DNM1: variants seen among roughly 807,000 people sequenced by gnomAD.
DNM1 encodes dynamin 1.
Under a neutral mutation model 104.6 loss-of-function variants are expected in DNM1, and 29 were observed. The ratio of observed to expected loss-of-function variants is 0.28; its 90% confidence interval spans 0.21 to 0.38. DNM1 has a LOEUF of 0.38. Ranked by LOEUF, DNM1 falls within the 10% of genes least tolerant of loss-of-function variation. The pLI is 1.00. For missense variants in DNM1, 640 were observed against 1,189.4 expected (o/e 0.54, Z 6.79); for synonymous variants, 445 against 475.8 (o/e 0.94, Z 0.84).
rs1834749522 is a variant in DNM1 at position 128,218,525 on chromosome 9, A to C, written c.236-57A>C. The C allele has an allele frequency of 1.3e-6, 2 of 1,569,346 alleles. No individual in the cohort carries two copies. Among genetic ancestry groups the C allele is most frequent in the African/African-American group, 2.7e-5 (2 of 73,910 alleles). ...TTACCGGTGGGAGATGAAAACCCCC[A>C]GGTGGGGTTCCAGACCTTGATGCCT... On this transcript the variant is annotated intron_variant, in intron 2 of 21. Transcript: ENST00000372923. This position sits in a 1 kb window ranked among gnomAD's most constrained non-coding sequence, Gnocchi z 4.8.
Position 128,222,157 on chromosome 9 carries a change from G to T in DNM1, c.850-40G>T. The T allele has an allele frequency of 1.3e-6, 2 of 1,580,680 alleles. No homozygotes were observed. The highest frequency in any genetic ancestry group is 2.3e-5 in the South Asian group (2 of 85,198). On this transcript the variant is annotated intron_variant, in intron 6 of 21. Transcript: ENST00000372923. This position sits in a 1 kb window ranked among gnomAD's most constrained non-coding sequence, Gnocchi z 7.8. ...CATCCAAGTCCCTTCCTGGCCCTGTGACCATCTGTCCTCAACCCTTTCCTC... is the reference window on the plus strand; with the variant it reads ...CATCCAAGTCCCTTCCTGGCCCTGTTACCATCTGTCCTCAACCCTTTCCTC...
intron 9 of DNM1, chr9:128,223,105 G>A (rs1835120329): frequency 1.9e-6 from 1 of 523,620 alleles, no homozygotes; most frequent in Admixed American, 3.4e-5. Flanking sequence ...GGTGGCCGGG[G>A]AAACACCCTC....
chr9:128,204,332 G>C (rs1833750968), intron 1 of DNM1: 1 of 152,452 alleles, frequency 6.6e-6, no homozygotes, highest in Non-Finnish European at 1.5e-5. Context: ...CCCTGGGTGG[G>C]GGGCGCCTGT....
At chr9:128,242,407 C>A in intron 15 of DNM1, 62 bp downstream of exon 15, 1 of 931,044 alleles carries the variant, frequency 1.1e-6, no homozygotes, top group Non-Finnish European at 1.8e-6. Flanking sequence ...GGCTCAGACC[C>A]TCCCATGGGC....
Position 128,218,690 on chromosome 9 carries a change from T to C in DNM1, c.344T>C (p.Ile115Thr). 6.2e-7 allele frequency: 1 copy of C among 1,612,118 alleles called. No homozygotes were observed. Among genetic ancestry groups the C allele is most frequent in the Non-Finnish European group, 8.5e-7 (1 of 1,178,686 alleles). ...AGGGTCACCGGCACCAACAAGGGCA[T>C]CTCGCCGGTGCCTATCAACCTCCGC... The part of the protein sequence containing the change: ...TDRVTGTNKG[I>T]SPVPINLRVY... The change falls in exon 3 of 22, where the codon ATC becomes ACC. Residue 115 changes from isoleucine (I) to threonine (T), a missense_variant. Physicochemically the swap from Ile to Thr is moderately conservative, Grantham distance 89. This residue lies in a region of DNM1 where 172 missense variants were observed against 335.3 expected (regional missense o/e 0.51). Coordinates refer to ENST00000372923, the MANE Select transcript of DNM1 (RefSeq NM_004408.4). This position sits in a 1 kb window ranked among gnomAD's most constrained non-coding sequence, Gnocchi z 4.8.
Position 128,240,021 on chromosome 9 carries a change from G to A in DNM1, c.1557+25G>A, listed in dbSNP as rs369730541. ...GGTGAGTACCAGGACTGGGGCTCTC[G>A]GCTTGTGTAGTGAGGGGGCGGAGGG... On this transcript the variant is annotated intron_variant, in intron 14 of 21. Transcript: ENST00000372923. The surrounding 1 kb of genome is among the most constrained non-coding windows in gnomAD (Gnocchi z 5.1). 3.6e-5 allele frequency: 58 copies of A among 1,613,850 alleles called. No individual in the cohort carries two copies. Among genetic ancestry groups the A allele is most frequent in the African/African-American group, 2.4e-4 (18 of 74,896 alleles).
chr9:128,217,187 C>G (rs983416148), intron 1 of DNM1, among the ~76,000 whole-genome samples: 2 of 152,196 alleles, frequency 1.3e-5, no homozygotes, highest in African/African-American at 4.8e-5. Context: ...AAAGGCGGCT[C>G]GGTTCACAGG....
In DNM1 at chr9:128,253,172, G is replaced by A; in HGVS notation, c.2535-1482G>A. The A allele has an allele frequency of 1.3e-6, 2 of 1,597,022 alleles. No homozygotes were observed. The highest frequency in any genetic ancestry group is 1.7e-6 in the Non-Finnish European group (2 of 1,177,510). On this transcript the variant is annotated intron_variant, in intron 21 of 21. Coordinates refer to ENST00000372923, the MANE Select transcript of DNM1 (RefSeq NM_004408.4). This position sits in a 1 kb window ranked among gnomAD's most constrained non-coding sequence, Gnocchi z 5.9. ...TGCCTCACCGCCTGCTGCATGAACG[G>A]TGTGTCTGCCCCGCTGCACTAGCTC... is the stretch of plus-strand genomic sequence containing the variant.
chr9:128,217,453 G>C (rs1834680680), intron 1 of DNM1, among the ~76,000 whole-genome samples: 1 of 152,112 alleles, frequency 6.6e-6, no homozygotes, highest in Non-Finnish European at 1.5e-5. Flanking sequence ...TTTTGCTCTT[G>C]TCGCCTAGGC....
Position 128,247,956 on chromosome 9 carries a change from C to A in DNM1, c.1905+21C>A. 6.2e-7 allele frequency: 1 copy of A among 1,614,104 alleles called. No individual in the cohort carries two copies. Among genetic ancestry groups the A allele is most frequent in the African/African-American group, 1.3e-5 (1 of 75,040 alleles). Reference sequence around the variant, plus strand: ...AGAAAGTGAGTGTGCCCTTCTCTTGCCTCCTGCCAGGCATCTGCAGCCTGG... The same window carrying A: ...AGAAAGTGAGTGTGCCCTTCTCTTGACTCCTGCCAGGCATCTGCAGCCTGG... On this transcript the variant is annotated intron_variant, in intron 18 of 21. Coordinates refer to ENST00000372923, the MANE Select transcript of DNM1 (RefSeq NM_004408.4). The surrounding 1 kb of genome is among the most constrained non-coding windows in gnomAD (Gnocchi z 5.1).
At chr9:128,238,529 C>A (rs1019024815) in intron 11 of DNM1, among the ~76,000 whole-genome samples, 1 of 151,566 alleles carries the variant, frequency 6.6e-6, no homozygotes, top group Non-Finnish European at 1.5e-5. Context: ...TGGCTAAAAG[C>A]CTCATTTTTA....
intron 21 of DNM1, chr9:128,252,605 A>G: frequency 2.5e-6 from 1 of 396,918 alleles, no homozygotes; most frequent in Non-Finnish European, 5.1e-6. Context: ...CAAGGTGGAG[A>G]ACCTTCAAAG....
chr9:128,209,137 C>T (rs944111816), intron 1 of DNM1, among the ~76,000 whole-genome samples: 12 of 152,148 alleles, frequency 7.9e-5, no homozygotes, highest in Non-Finnish European at 1.3e-4. Flanking sequence ...GCTCAGAGCA[C>T]GCAGCTGCCA....
At position 128,248,181 on chromosome 9, in the gene DNM1, G is replaced by T. The variant is rs577418604; in HGVS notation, c.1905+246G>T. 48 of 562,530 alleles carry T rather than the reference G, an allele frequency of 8.5e-5. No homozygotes were observed. Among genetic ancestry groups the T allele is most frequent in the African/African-American group, 6.6e-4 (35 of 53,100 alleles). 34.8% of individuals were successfully genotyped at this position (562,530 alleles called of 1,614,324 possible). A position where few individuals can be genotyped will look rare whatever the true frequency, so the allele number is the denominator to read the frequency against. On this transcript the variant is annotated intron_variant, in intron 18 of 21. Transcript: ENST00000372923. This position sits in a 1 kb window ranked among gnomAD's most constrained non-coding sequence, Gnocchi z 5.6. ...ACCTCTACTAAAAATACAAAAATTA[G>T]CCAGGCATGGTGGTGCGCGCCTGTA...
chr9:128,247,894 G>A lies in DNM1; in HGVS notation c.1894-30G>A. 6.2e-7 allele frequency: 1 copy of A among 1,611,750 alleles called. No homozygotes were observed. The highest frequency in any genetic ancestry group is 8.5e-7 in the Non-Finnish European group (1 of 1,178,472). ...GGCTGTGCTCCCTGGTGGTGGCGGC[G>A]GTGGCAATGTTGGTGTGTGGGCCTC... On this transcript the variant is annotated intron_variant, in intron 17 of 21. Transcript: ENST00000372923. This position sits in a 1 kb window ranked among gnomAD's most constrained non-coding sequence, Gnocchi z 5.1.
intron 1 of DNM1, among the ~76,000 whole-genome samples, chr9:128,205,271 T>C (rs1395287171): frequency 6.6e-6 from 1 of 152,148 alleles, no homozygotes; most frequent in Non-Finnish European, 1.5e-5. Context: ...GAATGTTGGC[T>C]GAACTCCTGC....
Position 128,246,377 on chromosome 9 carries a change from C to T in DNM1, c.1672-17C>T. Reference sequence around the variant, plus strand: ...ACAGTGCCAACCTCACCCCATTGCTCCTACCTGCACCCACAGGAGAAAGAG... The same window carrying T: ...ACAGTGCCAACCTCACCCCATTGCTTCTACCTGCACCCACAGGAGAAAGAG... On this transcript the variant is annotated splice_polypyrimidine_tract_variant and intron_variant, in intron 15 of 21. Transcript: ENST00000372923. 1.3e-6 allele frequency: 2 copies of T among 1,592,460 alleles called. No homozygotes were observed. Among genetic ancestry groups the T allele is most frequent in the Non-Finnish European group, 1.7e-6 (2 of 1,160,210 alleles).
chr9:128,220,190 G>C lies in DNM1; in HGVS notation c.698G>C (p.Gly233Ala). The change falls in exon 6 of 22, where the codon GGA (glycine) becomes GCA (alanine). Residue 233 changes from glycine to alanine, a missense_variant. Gly to Ala is a moderately conservative substitution (Grantham distance 60). This residue lies in a region of DNM1 where 172 missense variants were observed against 335.3 expected (regional missense o/e 0.51). Transcript: ENST00000372923. This position sits in a 1 kb window ranked among gnomAD's most constrained non-coding sequence, Gnocchi z 5.2. ...TTGATACTGTTCACAGGCTACATTG[G>C]AGTGGTGAACCGGAGCCAGAAGGAC... is the stretch of plus-strand genomic sequence containing the variant. The part of the protein sequence containing the change: ...KLLPLRRGYI[G>A]VVNRSQKDID... 1 of 1,614,172 alleles carries C rather than the reference G, an allele frequency of 6.2e-7. No homozygotes were observed.
At chr9:128,213,953 C>A (rs1023053405) in intron 1 of DNM1, among the ~76,000 whole-genome samples, 1 of 152,074 alleles carries the variant, frequency 6.6e-6, no homozygotes, top group Admixed American at 6.6e-5. Flanking sequence ...GAACAGAGAG[C>A]GACTTGTTGC....
Sources: allele counts gnomAD v4.1 joint callset (sites outside exome capture counted in the v4.1 genomes callset), GRCh38; gene constraint gnomAD v4.1.1; regional missense constraint gnomAD v4.1.1; non-coding constraint Gnocchi (gnomAD v3.1); transcripts MANE v1.5; gene names NCBI Gene and HGNC (gene_info 2026-07-23, HGNC 2026-07-21).